The following KCNIP4 variants were observed in gnomAD, a reference collection of about 807,000 sequenced individuals.
KCNIP4 encodes Kv channel-interacting protein 4.
A neutral mutation model predicts 34.0 loss-of-function variants in KCNIP4; 12 were observed. The observed-to-expected ratio is 0.35, with a 90% confidence interval of 0.23 to 0.57. The LOEUF (loss-of-function observed/expected upper bound fraction) is 0.57. Among genes scored for constraint, KCNIP4 ranks in the 20% least tolerant of loss-of-function variants. KCNIP4 has a pLI of 0.83. For synonymous variants in KCNIP4, 124 were observed against 102.2 expected, an observed-to-expected ratio of 1.21 and a Z score of -1.29; for missense variants, 238 against 311.7, an observed-to-expected ratio of 0.76 and a Z score of 1.78.
intron 1 of KCNIP4, among the ~76,000 whole-genome samples, chr4:21,376,029 G>A (rs1720933167): frequency 6.6e-6 from 1 of 152,162 alleles, no homozygotes; most frequent in Non-Finnish European, 1.5e-5. Context: ...GAAAATTACA[G>A]TCTAAACTTT....
At chr4:20,740,854 C>T (rs928722343) in intron 5 of KCNIP4, among the ~76,000 whole-genome samples, 4 of 151,056 alleles carry the variant, frequency 2.6e-5, no homozygotes, top group African/African-American at 9.7e-5. Context: ...AACATAGGCT[C>T]AAAATAAAGG....
At chr4:20,940,372 T>C (rs1731519212) in intron 1 of KCNIP4, among the ~76,000 whole-genome samples, 2 of 152,188 alleles carry the variant, frequency 1.3e-5, no homozygotes, top group South Asian at 4.1e-4. Context: ...CTGTATCTCA[T>C]TTATCTAAGT....
chr4:21,054,579 T>C (rs899310997), intron 1 of KCNIP4, among the ~76,000 whole-genome samples: 5 of 149,268 alleles, frequency 3.3e-5, no homozygotes, highest in Non-Finnish European at 5.9e-5. Context: ...AATTCAAAAA[T>C]AGTCCCACAT....
intron 1 of KCNIP4, among the ~76,000 whole-genome samples, chr4:20,948,854 A>G (rs991062209): frequency 1.3e-5 from 2 of 152,212 alleles, no homozygotes; most frequent in African/African-American, 2.4e-5. Flanking sequence ...ATTACCATAT[A>G]CCATGTATAC....
intron 1 of KCNIP4, among the ~76,000 whole-genome samples, chr4:21,776,256 A>G (rs7654248): frequency 0.057 from 8,630 of 152,036 alleles, 819 homozygotes; most frequent in African/African-American, 0.19. Context: ...CAAGAGTCAC[A>G]CCAGCCTTTT....
intron 1 of KCNIP4, among the ~76,000 whole-genome samples, chr4:21,590,764 AG>A (rs1192544485): frequency 6.6e-6 from 1 of 152,016 alleles, no homozygotes; most frequent in Non-Finnish European, 1.5e-5. Context: ...TGTTTTGTAG[AG>A]AAGGGAACTA....
At chr4:21,494,033 A>G (rs962717919) in intron 1 of KCNIP4, among the ~76,000 whole-genome samples, 1 of 152,216 alleles carries the variant, frequency 6.6e-6, no homozygotes, top group Non-Finnish European at 1.5e-5. Flanking sequence ...TTTAATCCTC[A>G]TAACAATTTT....
intron 1 of KCNIP4, among the ~76,000 whole-genome samples, chr4:21,536,137 A>G (rs1373878770): frequency 1.3e-5 from 2 of 152,184 alleles, no homozygotes; most frequent in Non-Finnish European, 2.9e-5. Flanking sequence ...TCATTGCGTC[A>G]GGAATGCCTT....
chr4:21,336,983 T>A (rs1356516649), intron 1 of KCNIP4, among the ~76,000 whole-genome samples: 4 of 151,872 alleles, frequency 2.6e-5, no homozygotes, highest in African/African-American at 9.7e-5. Flanking sequence ...ACCAAGCAGA[T>A]TGAATGAGAT....
intron 1 of KCNIP4, among the ~76,000 whole-genome samples, chr4:20,983,195 C>T (rs1736254415): frequency 6.6e-6 from 1 of 152,086 alleles, no homozygotes; most frequent in South Asian, 2.1e-4. Context: ...TTATTGATAG[C>T]AACAGTCCTG....
intron 1 of KCNIP4, among the ~76,000 whole-genome samples, chr4:21,118,263 TC>T (rs1331494655): frequency 6.6e-6 from 1 of 152,120 alleles, no homozygotes; most frequent in African/African-American, 2.4e-5. Context: ...CAGCAAACGG[TC>T]CAGGAAGCCA....
At chr4:20,820,546 A>C (rs924705244) in intron 3 of KCNIP4, among the ~76,000 whole-genome samples, 2 of 152,238 alleles carry the variant, frequency 1.3e-5, no homozygotes, top group African/African-American at 2.4e-5. Context: ...AAAGAATAAA[A>C]AGGTGTGTTC....
chr4:20,759,449 G>T (rs1754762667), intron 3 of KCNIP4, among the ~76,000 whole-genome samples: 2 of 152,028 alleles, frequency 1.3e-5, no homozygotes, highest in Non-Finnish European at 2.9e-5. Context: ...CCATATTTTT[G>T]AACTTCCGGA....
At chr4:21,312,282 T>C (rs1294450487) in intron 1 of KCNIP4, among the ~76,000 whole-genome samples, 1 of 152,182 alleles carries the variant, frequency 6.6e-6, no homozygotes, top group Non-Finnish European at 1.5e-5. Flanking sequence ...CTCGTGGTGC[T>C]CAAACTGTTA....
intron 1 of KCNIP4, among the ~76,000 whole-genome samples, chr4:21,357,315 T>C (rs1028610208): frequency 2.6e-5 from 4 of 151,950 alleles, no homozygotes; most frequent in Non-Finnish European, 4.4e-5. Context: ...AATTGACAAA[T>C]GGGATCTAAT....
chr4:21,121,465 G>A (rs534819656), intron 1 of KCNIP4, among the ~76,000 whole-genome samples: 46 of 152,264 alleles, frequency 3.0e-4, no homozygotes, highest in African/African-American at 1.1e-3. Context: ...TAAGTCACTC[G>A]TTACATATTT....
At chr4:20,893,218 T>C (rs1437472487) in intron 1 of KCNIP4, among the ~76,000 whole-genome samples, 2 of 152,212 alleles carry the variant, frequency 1.3e-5, no homozygotes, top group Non-Finnish European at 2.9e-5. Context: ...GCAATTTCAT[T>C]TTAAAAAATG....
At chr4:21,817,216 G>A (rs756787344) in intron 1 of KCNIP4, among the ~76,000 whole-genome samples, 5 of 152,150 alleles carry the variant, frequency 3.3e-5, no homozygotes, top group South Asian at 2.1e-4. Flanking sequence ...ATCTGGAGCC[G>A]TGGCAGAGGA....
chr4:21,182,538 T>C (rs1054294016), intron 1 of KCNIP4, among the ~76,000 whole-genome samples: 43 of 151,976 alleles, frequency 2.8e-4, no homozygotes, highest in Non-Finnish European at 1.2e-4. Context: ...AGTCATGAAG[T>C]ATGGGCTTTC....
Sources: allele counts gnomAD v4.1 joint callset (sites outside exome capture counted in the v4.1 genomes callset), GRCh38; gene constraint gnomAD v4.1.1; transcripts MANE v1.5; gene names NCBI Gene and HGNC (gene_info 2026-07-23, HGNC 2026-07-21).